The following MARK3 variants were observed in gnomAD, a reference collection of about 807,000 sequenced individuals.
The protein encoded by MARK3 is microtubule affinity regulating kinase 3.
A neutral mutation model predicts 90.1 loss-of-function variants in MARK3; 46 were observed. The observed-to-expected ratio is 0.51, with a 90% CI of 0.40 to 0.65. MARK3 has a LOEUF of 0.65. MARK3 is among the 30% of genes least tolerant of loss of function. MARK3 has a pLI of 0.00. For synonymous variants in MARK3, 321 were observed against 332.6 expected (o/e 0.97, Z 0.38); for missense variants, 818 against 947.2 (o/e 0.86, Z 1.79).
rs193119410 is a variant in MARK3, at chr14:103,486,228, C to T, written c.1587-5549C>T. On this transcript the variant is annotated intron_variant, in intron 14 of 17. Transcript: ENST00000429436. ...CCGAGGCAAGTGCATCACCTGGGGT[C>T]GGGAGTTCAAGACCAGCCTGGCCAA... Among the ~76,000 whole-genome samples the T allele has an allele frequency of 3.4e-3, 516 of 152,228 alleles. 5 individuals carry two copies. The highest frequency in any genetic ancestry group is 0.012 in the African/African-American group (489 of 41,556).
In MARK3 at chr14:103,500,129, C is replaced by G. The variant is rs780957379; in HGVS notation, c.1872-27C>G. The G allele has an allele frequency of 1.9e-6, 3 of 1,595,066 alleles. No homozygotes were observed. In the Admixed American group the frequency reaches 5.1e-5, roughly 27 times the overall value. On this transcript the variant is annotated intron_variant, in intron 16 of 17. Transcript: ENST00000429436. ...GATTTCTTTTCTCTTTCCCTCTTCTCTCTGCTTCTACATTCTGTTCATTGA... is the reference window on the plus strand; with the variant it reads ...GATTTCTTTTCTCTTTCCCTCTTCTGTCTGCTTCTACATTCTGTTCATTGA...
At chr14:103,461,804 A>C (rs1347064497) in intron 6 of MARK3, among the ~76,000 whole-genome samples, 1 of 152,144 alleles carries the variant, frequency 6.6e-6, no homozygotes, top group Non-Finnish European at 1.5e-5. Context: ...TGGGAGGCTG[A>C]GACTGGCGGA....
At chr14:103,427,012 A>C (rs936086072) in intron 2 of MARK3, among the ~76,000 whole-genome samples, 3 of 152,160 alleles carry the variant, frequency 2.0e-5, no homozygotes, top group Non-Finnish European at 4.4e-5. Context: ...AAGATTTGCT[A>C]CATTGCATAT....
chr14:103,423,200 C>CTTTTTTTTTTTTTTTTTTTTTTTTTT (rs10529756), intron 2 of MARK3, among the ~76,000 whole-genome samples: 1 of 94,720 alleles, frequency 1.1e-5, no homozygotes, highest in Non-Finnish European at 1.9e-5. Context: ...GACTTGCAGT[C>CTTTTTTTTTTTTTTTTTTTTTTTTTT]TTTTTTTTTT....
intron 2 of MARK3, among the ~76,000 whole-genome samples, chr14:103,419,290 CATAA>C (rs547909635): frequency 4.6e-5 from 7 of 152,000 alleles, no homozygotes; most frequent in South Asian, 2.1e-4. Flanking sequence ...GACCCCGTCT[CATAA>C]ATAAATAAAT....
chr14:103,473,861 C>T lies in MARK3; in HGVS notation c.1265-1132C>T, dbSNP rs575948668. 1.2e-4 allele frequency among the ~76,000 whole-genome samples: 18 copies of T among 152,098 alleles called. No individual in the cohort carries two copies. In the South Asian group the frequency reaches 3.3e-3, roughly 28 times the overall value. ...ATTACAAGCATGAACTACCACACAC[C>T]TCCCACCTTTAATATATCTAAAATA... On this transcript the variant is annotated intron_variant, in intron 12 of 17. Coordinates refer to ENST00000429436, the MANE Select transcript of MARK3 (RefSeq NM_001128918.3).
intron 2 of MARK3, among the ~76,000 whole-genome samples, chr14:103,414,752 T>A (rs1194795149): frequency 6.6e-6 from 1 of 152,156 alleles, no homozygotes; most frequent in Non-Finnish European, 1.5e-5. Context: ...GATGTAGAAT[T>A]ATATCGTGAA....
intron 3 of MARK3, among the ~76,000 whole-genome samples, chr14:103,438,787 G>A (rs934250515): frequency 6.6e-6 from 1 of 152,112 alleles, no homozygotes; most frequent in African/African-American, 2.4e-5. Context: ...GAGCTCAGGA[G>A]TTCAAGACCA....
intron 3 of MARK3, among the ~76,000 whole-genome samples, chr14:103,447,073 T>C (rs1299298714): frequency 1.3e-5 from 2 of 152,118 alleles, no homozygotes; most frequent in African/African-American, 2.4e-5. Flanking sequence ...TGAGACAGTA[T>C]TTTAGATAGG....
intron 2 of MARK3, among the ~76,000 whole-genome samples, chr14:103,421,153 G>A (rs576460652): frequency 6.6e-6 from 1 of 152,320 alleles, no homozygotes; most frequent in South Asian, 2.1e-4. Flanking sequence ...TCACTCAAGT[G>A]TGCGTTACAG....
chr14:103,442,294 C>T lies in MARK3; in HGVS notation c.298-6625C>T, dbSNP rs190378559. On this transcript the variant is annotated intron_variant, in intron 3 of 17. Coordinates refer to ENST00000429436, the MANE Select transcript of MARK3 (RefSeq NM_001128918.3). Reference sequence around the variant, plus strand: ...CTGAGGCAGGAGAATGGTGTGAACCCGGGGGGCGGAGCTTGCAGTGAGCGG... The same window carrying T: ...CTGAGGCAGGAGAATGGTGTGAACCTGGGGGGCGGAGCTTGCAGTGAGCGG... Among the ~76,000 whole-genome samples, 238 of 150,960 alleles carry T rather than the reference C, an allele frequency of 1.6e-3. 1 individual carries two copies. Among genetic ancestry groups the T allele is most frequent in the African/African-American group, 5.4e-3 (223 of 41,054 alleles).
At chr14:103,474,690 A>G (rs1595858676) in intron 12 of MARK3, among the ~76,000 whole-genome samples, 5 of 152,318 alleles carry the variant, frequency 3.3e-5, no homozygotes, top group African/African-American at 9.6e-5. Flanking sequence ...TTACGTATGC[A>G]TCTAATTAGT....
rs1317177613 is a variant in MARK3, at chr14:103,502,900, G to T, written c.1935G>T (p.Glu645Asp). The change falls in exon 18 of 18, where the codon GAG (glutamate) becomes GAT (aspartate). Residue 645 changes from glutamate (E) to aspartate (D), a missense_variant. Physicochemically the swap from Glu to Asp is conservative, Grantham distance 45. Transcript: ENST00000429436. Reference protein sequence around the residue: ...YEGSSRNVSAEQKDENKEAKP... With the variant: ...YEGSSRNVSADQKDENKEAKP... ...ATTTCAGTCGCAATGTATCTGCTGA[G>T]CAAAAAGATGAAAACAAAGAAGCAA... 1 of 1,611,662 alleles carries T rather than the reference G, an allele frequency of 6.2e-7. No individual in the cohort carries two copies. Among genetic ancestry groups the T allele is most frequent in the Non-Finnish European group, 8.5e-7 (1 of 1,178,074 alleles).
intron 17 of MARK3, among the ~76,000 whole-genome samples, chr14:103,501,364 T>G (rs1310090775): frequency 6.6e-6 from 1 of 152,214 alleles, no homozygotes; most frequent in Non-Finnish European, 1.5e-5. Context: ...TAATAGGACC[T>G]ACGTGGGCAT....
At chr14:103,498,780 A>T (rs2075488806) in intron 16 of MARK3, 1 of 242,266 alleles carries the variant, frequency 4.1e-6, no homozygotes, top group Non-Finnish European at 7.8e-6. Context: ...CTTTGGTAGA[A>T]TTATTTAGCA....
chr14:103,412,620 G>A (rs930620656), intron 2 of MARK3: 23 of 1,020,414 alleles, frequency 2.3e-5, no homozygotes, highest in Admixed American at 3.8e-5. Flanking sequence ...CCCGAGAAGC[G>A]CTTGTCCTTC....
At chr14:103,466,467 C>T (rs1258459800) in intron 10 of MARK3, 25 bp downstream of exon 10, 1 of 1,461,550 alleles carries the variant, frequency 6.8e-7, no homozygotes, top group Admixed American at 1.8e-5. Context: ...CCTGCATGTT[C>T]ATGTGTTTTT....
At chr14:103,472,977 C>T (rs2093655480) in intron 12 of MARK3, among the ~76,000 whole-genome samples, 1 of 149,538 alleles carries the variant, frequency 6.7e-6, no homozygotes, top group African/African-American at 2.4e-5. Context: ...CTGCACTCCA[C>T]AGCCTGGCCA....
At chr14:103,432,678 C>T (rs936570600) in intron 3 of MARK3, among the ~76,000 whole-genome samples, 13 of 151,822 alleles carry the variant, frequency 8.6e-5, no homozygotes, top group African/African-American at 2.4e-4. Context: ...CAGAGAGACC[C>T]GTCTCTACCA....
Sources: allele counts gnomAD v4.1 joint callset (sites outside exome capture counted in the v4.1 genomes callset), GRCh38; gene constraint gnomAD v4.1.1; transcripts MANE v1.5; gene names NCBI Gene and HGNC (gene_info 2026-07-23, HGNC 2026-07-21).